PRKAG2: variants seen among roughly 807,000 people sequenced by gnomAD.
PRKAG2 encodes protein kinase AMP-activated non-catalytic subunit gamma 2.
Under a neutral mutation model 69.6 loss-of-function variants are expected in PRKAG2, and 26 were observed. That is an observed-to-expected ratio of 0.37 (90% confidence interval 0.27 to 0.52). PRKAG2 has a LOEUF of 0.52. Among genes scored for constraint, PRKAG2 ranks in the 20% least tolerant of loss-of-function variants. PRKAG2 has a pLI of 0.90. For missense variants in PRKAG2, 557 were observed against 740.0 expected (o/e 0.75, Z 2.87); for synonymous variants, 293 against 285.0 (o/e 1.03, Z -0.28).
intron 1 of PRKAG2, among the ~76,000 whole-genome samples, chr7:151,824,080 C>G (rs1039492676): frequency 6.6e-6 from 1 of 152,138 alleles, no homozygotes; most frequent in Non-Finnish European, 1.5e-5. Flanking sequence ...ACTGTGAAGT[C>G]GGAAATCTGA....
chr7:151,798,833 C>T (rs113183695), intron 1 of PRKAG2, among the ~76,000 whole-genome samples: 35 of 152,296 alleles, frequency 2.3e-4, no homozygotes, highest in African/African-American at 8.4e-4. Context: ...CCCAGAAATA[C>T]ACATGGAGTT....
At chr7:151,687,246 G>A (rs1834872808) in intron 3 of PRKAG2, among the ~76,000 whole-genome samples, 1 of 152,118 alleles carries the variant, frequency 6.6e-6, no homozygotes, top group African/African-American at 2.4e-5. Flanking sequence ...TCTACATCAT[G>A]GACCCAAAAC....
At chr7:151,868,856 G>T (rs1563768130) in intron 1 of PRKAG2, among the ~76,000 whole-genome samples, 1 of 152,182 alleles carries the variant, frequency 6.6e-6, no homozygotes, top group Non-Finnish European at 1.5e-5. Flanking sequence ...GAGAGCAAAA[G>T]AAAATAAACA....
intron 4 of PRKAG2, among the ~76,000 whole-genome samples, chr7:151,651,194 T>G (rs1477552079): frequency 6.6e-6 from 1 of 152,250 alleles, no homozygotes; most frequent in East Asian, 1.9e-4. Flanking sequence ...TGCTTTTTAG[T>G]TATTGTGTAA....
At position 151,675,542 on chromosome 7, in the gene PRKAG2, C is replaced by G. The variant is rs772303730; in HGVS notation, c.562G>C (p.Glu188Gln). Residue 188 changes from glutamate to glutamine, a missense_variant, in exon 4 of 16, where the codon GAG becomes CAG. Physicochemically the swap from Glu to Gln is conservative, Grantham distance 29 (BLOSUM62 2). Transcript: ENST00000287878. ...ESYKHEPERL[E>Q]NRIYASSSPP... Reference sequence around the variant, plus strand: ...GAAGACGAGGCATAGATGCGATTCTCTAACCGTTCAGGCTCGTGCTTATAG... The same window carrying G: ...GAAGACGAGGCATAGATGCGATTCTGTAACCGTTCAGGCTCGTGCTTATAG... The G allele has an allele frequency of 2.5e-6, 4 of 1,614,160 alleles. No individual in the cohort carries two copies. In the Admixed American group the frequency reaches 6.7e-5, roughly 27 times the overall value.
Position 151,739,468 on chromosome 7 carries a change from T to C in PRKAG2, c.466+41684A>G, listed in dbSNP as rs182024540. On this transcript the variant is annotated intron_variant, in intron 3 of 15. Transcript: ENST00000287878. The stretch of plus-strand genomic sequence containing the variant: ...TTTATTTATTTATTTATTTATTTAT[T>C]TATCTATTTTTATTTATTGAGACAG... Among the ~76,000 whole-genome samples, 1,093 of 151,112 alleles carry C rather than the reference T, an allele frequency of 7.2e-3. 9 individuals carry two copies. The highest frequency in any genetic ancestry group is 0.012 in the Non-Finnish European group (812 of 67,844).
chr7:151,672,696 C>G (rs1303759617), intron 4 of PRKAG2, among the ~76,000 whole-genome samples: 3 of 152,158 alleles, frequency 2.0e-5, no homozygotes, highest in African/African-American at 7.2e-5. Flanking sequence ...GTGTCACTCC[C>G]TGCGTCGGAA....
In PRKAG2 at chr7:151,801,492, C is replaced by T. The variant is rs145878551; in HGVS notation, c.115-14951G>A. ...CCAGGGACCAGCTGCAGGCACCAGG[C>T]AGCCTCAGAATGTCTGGAGCTGGGG... On this transcript the variant is annotated intron_variant, in intron 1 of 15. Transcript: ENST00000287878. Among the ~76,000 whole-genome samples the T allele has an allele frequency of 8.3e-3, 1,268 of 152,280 alleles. 19 individuals carry two copies. Among genetic ancestry groups the T allele is most frequent in the African/African-American group, 0.029 (1,194 of 41,552 alleles).
intron 3 of PRKAG2, among the ~76,000 whole-genome samples, chr7:151,723,062 C>CA (rs112252466): frequency 1.3e-5 from 2 of 152,282 alleles, no homozygotes; most frequent in African/African-American, 4.8e-5. Context: ...CTATGCTAGT[C>CA]ACCATCTCTT....
At chr7:151,575,511 C>A (rs1361829497) in intron 7 of PRKAG2, among the ~76,000 whole-genome samples, 3 of 152,172 alleles carry the variant, frequency 2.0e-5, no homozygotes, top group Non-Finnish European at 4.4e-5. Flanking sequence ...CTAAGAGAGA[C>A]AATGGCATTG....
At chr7:151,588,513 A>G (rs112021640) in intron 6 of PRKAG2, among the ~76,000 whole-genome samples, 2 of 150,936 alleles carry the variant, frequency 1.3e-5, no homozygotes, top group African/African-American at 4.9e-5. Flanking sequence ...CAGGTACCCA[A>G]CACCAAGCCC....
chr7:151,770,307 T>C (rs2075960635), intron 3 of PRKAG2, among the ~76,000 whole-genome samples: 1 of 152,208 alleles, frequency 6.6e-6, no homozygotes, highest in Admixed American at 6.5e-5. Context: ...TAGGGCCTAC[T>C]GTAATCCATT....
At position 151,781,327 on chromosome 7, in the gene PRKAG2, G is replaced by T. The variant is rs760969126; in HGVS notation, c.291C>A (p.Thr97=). The T allele has an allele frequency of 1.2e-6, 2 of 1,614,048 alleles. No individual in the cohort carries two copies. The highest frequency in any genetic ancestry group is 1.7e-6 in the Non-Finnish European group (2 of 1,179,996). Residue 97 remains threonine (T), a synonymous_variant, in exon 3 of 16, where the codon ACC becomes ACA. Transcript: ENST00000287878. This position sits in a 1 kb window ranked among gnomAD's most constrained non-coding sequence, Gnocchi z 6.1. ...ACACGGTTTTGGGAGAGCCGGGGCT[G>T]GTCTTGGGCCTCACAGGTGCAGACA... ...SPMSAPVRPK[T]SPGSPKTVFP... is the part of the protein sequence containing the mutation.
intron 1 of PRKAG2, among the ~76,000 whole-genome samples, chr7:151,844,362 C>A (rs1051126322): frequency 1.3e-5 from 2 of 152,100 alleles, no homozygotes; most frequent in Non-Finnish European, 2.9e-5. Context: ...GTCGTGTGGG[C>A]TGGAAGTCAG....
In PRKAG2 at chr7:151,771,586, C is replaced by A. The variant is rs1286221351; in HGVS notation, c.466+9566G>T. On this transcript the variant is annotated intron_variant, in intron 3 of 15. Transcript: ENST00000287878. This position sits in a 1 kb window ranked among gnomAD's most constrained non-coding sequence, Gnocchi z 4.0. ...GTATATATCAATATCACCTGAGGAGCCTGTTAAAACTTTCGATTCCAAGAC... is the reference window on the plus strand; with the variant it reads ...GTATATATCAATATCACCTGAGGAGACTGTTAAAACTTTCGATTCCAAGAC... Among the ~76,000 whole-genome samples, 3 of 152,144 alleles carry A rather than the reference C, an allele frequency of 2.0e-5. No homozygotes were observed. The highest frequency in any genetic ancestry group is 1.3e-4 in the Admixed American group (2 of 15,274).
chr7:151,557,297 G>A, intron 15 of PRKAG2, 65 bp from the exon 16 acceptor site: 2 of 1,613,452 alleles, frequency 1.2e-6, no homozygotes, highest in African/African-American at 1.3e-5. Flanking sequence ...CTACCCCAGG[G>A]GTTTCTACCT....
intron 4 of PRKAG2, among the ~76,000 whole-genome samples, chr7:151,667,133 C>G (rs1831172379): frequency 2.0e-5 from 3 of 152,204 alleles, no homozygotes; most frequent in African/African-American, 7.2e-5. Flanking sequence ...TGGGATAACT[C>G]TGATGAGCCG....
intron 3 of PRKAG2, among the ~76,000 whole-genome samples, chr7:151,747,445 T>C (rs1183761277): frequency 6.6e-6 from 1 of 152,072 alleles, no homozygotes; most frequent in Non-Finnish European, 1.5e-5. Context: ...TAATCCCAGT[T>C]ACTCAGGAGG....
chr7:151,605,011 ATATT>A (rs1216617042), intron 5 of PRKAG2, among the ~76,000 whole-genome samples: 1 of 152,112 alleles, frequency 6.6e-6, no homozygotes, highest in Non-Finnish European at 1.5e-5. Context: ...AACATGTTAA[ATATT>A]TACTTATTTA....
Sources: gnomAD v4.1 joint callset for allele counts (sites outside exome capture counted in the v4.1 genomes callset) on GRCh38, gnomAD v4.1.1 for gene constraint, Gnocchi (gnomAD v3.1) non-coding constraint, MANE v1.5 for transcripts, NCBI Gene and HGNC (gene_info 2026-07-23, HGNC 2026-07-21) for gene names.